EXTL2: variants seen among roughly 807,000 people sequenced by gnomAD.
EXTL2 encodes exostosin-like 2.
In EXTL2, 23 loss-of-function variants were observed where a neutral mutation model predicts 30.7. The ratio of observed to expected loss-of-function variants is 0.75; its 90% CI spans 0.54 to 1.06. The LOEUF is 1.06. Among genes scored for constraint, EXTL2 ranks in the 50% least tolerant of loss-of-function variants. EXTL2 has a pLI of 0.00. For missense variants in EXTL2, 352 were observed against 396.3 expected, an observed-to-expected ratio of 0.89 and a Z score of 0.95; for synonymous variants, 123 against 133.8, an observed-to-expected ratio of 0.92 and a Z score of 0.56.
At chr1:100,878,772 T>C (rs1396762484) in intron 2 of EXTL2, among the ~76,000 whole-genome samples, 1 of 152,042 alleles carries the variant, frequency 6.6e-6, no homozygotes, top group Non-Finnish European at 1.5e-5. Context: ...CTTCCCAAGA[T>C]TACCAAGTAA....
intron 4 of EXTL2, among the ~76,000 whole-genome samples, chr1:100,874,966 A>C (rs182322609): frequency 1.3e-5 from 2 of 152,074 alleles, no homozygotes; most frequent in East Asian, 3.9e-4. Context: ...TTCTTTTTTT[A>C]AAAAATGAGA....
chr1:100,881,045 A>G (rs1649514209), intron 2 of EXTL2: 1 of 983,980 alleles, frequency 1.0e-6, no homozygotes, highest in African/African-American at 1.7e-5. Context: ...TAATCCCCCA[A>G]TTTTACCTGT....
Position 100,874,231 on chromosome 1 carries a change from G to T in EXTL2, c.704C>A (p.Ala235Asp), listed in dbSNP as rs147366080. The T allele has an allele frequency of 2.5e-6, 4 of 1,612,668 alleles. No individual in the cohort carries two copies. Among genetic ancestry groups the T allele is most frequent in the Non-Finnish European group, 3.4e-6 (4 of 1,179,356 alleles). Residue 235 changes from alanine (A) to aspartate (D), a missense_variant, in exon 5 of 5, where the codon GCT becomes GAT. Coordinates refer to ENST00000370114, the MANE Select transcript of EXTL2 (RefSeq NM_001033025.3). ...ACAGTTTTGAGTATCATCTATCAAA[G>T]CATGGACAGCTGCAGGTTGCCTCTG... ...LFQRQPAAVHALIDDTQNCDD... is the reference protein window; with the variant it reads ...LFQRQPAAVHDLIDDTQNCDD...
intron 4 of EXTL2, among the ~76,000 whole-genome samples, chr1:100,875,230 G>GACACACACACACACAC (rs10547668): frequency 9.4e-5 from 14 of 149,306 alleles, no homozygotes; most frequent in Admixed American, 2.7e-4. Flanking sequence ...CAGAACTAGG[G>GACACACACACACACAC]ACACACACAC....
chr1:100,874,865 G>T (rs1648979538), intron 4 of EXTL2, among the ~76,000 whole-genome samples: 1 of 151,916 alleles, frequency 6.6e-6, no homozygotes, highest in African/African-American at 2.4e-5. Flanking sequence ...CTACATGTGT[G>T]ATTGTCTCTT....
chr1:100,885,346 T>G (rs1392861872), intron 2 of EXTL2, among the ~76,000 whole-genome samples: 1 of 152,250 alleles, frequency 6.6e-6, no homozygotes, highest in Non-Finnish European at 1.5e-5. Context: ...GATAATATCA[T>G]CCTTGTGAAT....
In EXTL2 at chr1:100,874,242, T is replaced by G. The variant is rs1316939754; in HGVS notation, c.693A>C (p.Ala231=). The stretch of plus-strand genomic sequence containing the variant: ...TATCATCTATCAAAGCATGGACAGC[T>G]GCAGGTTGCCTCTGAAATAATTCAA... ...KYLELFQRQP[A]AVHALIDDTQ... The change falls in exon 5 of 5, where the codon GCA becomes GCC. Residue 231 remains alanine (A), a synonymous_variant. Transcript: ENST00000370114. The G allele has an allele frequency of 1.9e-6, 3 of 1,612,794 alleles. No homozygotes were observed. The highest frequency in any genetic ancestry group is 2.5e-6 in the Non-Finnish European group (3 of 1,179,404).
intron 1 of EXTL2, 89 bp downstream of exon 1, chr1:100,894,544 A>G (rs1650724076): frequency 6.6e-6 from 1 of 152,136 alleles, no homozygotes; most frequent in African/African-American, 2.4e-5. Context: ...CACACACACA[A>G]AGTTCTCAGA....
At chr1:100,890,239 A>C (rs1650313789) in intron 1 of EXTL2, among the ~76,000 whole-genome samples, 4 of 152,170 alleles carry the variant, frequency 2.6e-5, no homozygotes, top group Admixed American at 2.6e-4. Context: ...CCTGAGCTGT[A>C]TGTTGGCCCC....
chr1:100,891,019 AC>A (rs1463672395), intron 1 of EXTL2, among the ~76,000 whole-genome samples: 5 of 152,252 alleles, frequency 3.3e-5, no homozygotes, highest in Non-Finnish European at 7.3e-5. Context: ...AGTGATCAAT[AC>A]CAGCTATGAC....
At chr1:100,893,637 T>C (rs143863635) in intron 1 of EXTL2, among the ~76,000 whole-genome samples, 106 of 152,294 alleles carry the variant, frequency 7.0e-4, no homozygotes, top group Non-Finnish European at 1.2e-3. Context: ...CAAAGATAGG[T>C]TAACATATAT....
chr1:100,888,639 G>A, intron 2 of EXTL2, 114 bp downstream of exon 2: 1 of 465,446 alleles, frequency 2.1e-6, no homozygotes, highest in South Asian at 6.3e-5. Context: ...GCACAACAAT[G>A]TGAAAACAGT....
chr1:100,880,981 A>C, intron 2 of EXTL2: 1 of 978,672 alleles, frequency 1.0e-6, no homozygotes, highest in Non-Finnish European at 1.2e-6. Context: ...GTATTCTTTT[A>C]AGTAGGAGTT....
intron 2 of EXTL2, among the ~76,000 whole-genome samples, chr1:100,886,625 TA>T (rs1649996249): frequency 6.6e-6 from 1 of 152,378 alleles, no homozygotes; most frequent in South Asian, 2.1e-4. Flanking sequence ...TTCAGGCAGC[TA>T]TTATCAATTA....
chr1:100,878,129 T>A lies in EXTL2; in HGVS notation c.6-226A>T, dbSNP rs887626034. Among the ~76,000 whole-genome samples, 4 of 152,250 alleles carry A rather than the reference T, an allele frequency of 2.6e-5. 1 individual carries two copies. Among genetic ancestry groups the A allele is most frequent in the Admixed American group, 2.6e-4 (4 of 15,280 alleles). Reference sequence around the variant, plus strand: ...GTTACGCAGTTGCAGACAAAAGATGTTATACACACAAAATTGGAAAAATTA... The same window carrying A: ...GTTACGCAGTTGCAGACAAAAGATGATATACACACAAAATTGGAAAAATTA... On this transcript the variant is annotated intron_variant, in intron 2 of 4. Transcript: ENST00000370114.
intron 1 of EXTL2, among the ~76,000 whole-genome samples, chr1:100,889,222 G>C (rs116819435): frequency 8.5e-4 from 130 of 152,308 alleles, no homozygotes; most frequent in African/African-American, 3.0e-3. Flanking sequence ...GGGGGCAGGA[G>C]AGAGTGAGTA....
intron 2 of EXTL2, among the ~76,000 whole-genome samples, chr1:100,888,165 T>A (rs938775139): frequency 6.6e-6 from 1 of 152,232 alleles, no homozygotes; most frequent in African/African-American, 2.4e-5. Context: ...TTGGCTTAAG[T>A]AAGAACTAGT....
At position 100,877,786 on chromosome 1, in the gene EXTL2, G is replaced by A; in HGVS notation, c.123C>T (p.Pro41=). Reference sequence around the variant, plus strand: ...TGAGCATCTTGTCTTCTTTAACACTGGGAAGTAAGGCAGTCAAAGCACCAG... The same window carrying A: ...TGAGCATCTTGTCTTCTTTAACACTAGGAAGTAAGGCAGTCAAAGCACCAG... ...LVAGALTALL[P]SVKEDKMLML... The change falls in exon 3 of 5, where the codon CCC becomes CCT. Residue 41 remains proline (P), a synonymous_variant. Coordinates refer to ENST00000370114, the MANE Select transcript of EXTL2 (RefSeq NM_001033025.3). The surrounding 1 kb of genome is among the most constrained non-coding windows in gnomAD (Gnocchi z 4.1). 6.2e-7 allele frequency: 1 copy of A among 1,611,332 alleles called. No individual in the cohort carries two copies. Among genetic ancestry groups the A allele is most frequent in the Non-Finnish European group, 8.5e-7 (1 of 1,179,626 alleles).
chr1:100,892,487 G>A (rs1650510544), intron 1 of EXTL2, among the ~76,000 whole-genome samples: 2 of 152,138 alleles, frequency 1.3e-5, no homozygotes, highest in South Asian at 4.2e-4. Context: ...GAGGTTTTGG[G>A]ACTCTGATTG....
Sources: gnomAD v4.1 joint callset for allele counts (sites outside exome capture counted in the v4.1 genomes callset) on GRCh38, gnomAD v4.1.1 for gene constraint, Gnocchi (gnomAD v3.1) non-coding constraint, MANE v1.5 for transcripts, NCBI Gene and HGNC (gene_info 2026-07-23, HGNC 2026-07-21) for gene names.